Variants in GSKIP observed in about 807,000 individuals in gnomAD.
GSKIP encodes the protein GSK3B-interacting protein.
A neutral mutation model predicts 11.9 loss-of-function variants in GSKIP; 5 were observed. The observed-to-expected ratio is 0.42, with a 90% CI of 0.22 to 0.89. GSKIP has a LOEUF of 0.89. GSKIP is among the 40% of genes least tolerant of loss of function. The pLI is 0.29. For missense variants in GSKIP, 150 were observed against 166.6 expected, an observed-to-expected ratio of 0.90 and a Z score of 0.55; for synonymous variants, 70 against 62.9, an observed-to-expected ratio of 1.11 and a Z score of -0.54.
intron 1 of GSKIP, among the ~76,000 whole-genome samples, chr14:96,374,561 G>T (rs567515121): frequency 6.6e-6 from 1 of 152,076 alleles, no homozygotes; most frequent in African/African-American, 2.4e-5. Flanking sequence ...AGAGACACAG[G>T]CTCTTACTAT....
At chr14:96,384,973 TTAA>T (rs1404411841) in intron 3 of GSKIP, among the ~76,000 whole-genome samples, 7 of 152,024 alleles carry the variant, frequency 4.6e-5, no homozygotes, top group African/African-American at 1.4e-4. Context: ...AAACCAATTA[TTAA>T]TAAACAATTA....
Position 96,385,928 on chromosome 14 carries a change from TATC to T in GSKIP, c.*245_*247del, listed in dbSNP as rs1451316469. 5 of 384,802 alleles carry T rather than the reference TATC, an allele frequency of 1.3e-5. No individual in the cohort carries two copies. Among genetic ancestry groups the T allele is most frequent in the Admixed American group, 1.3e-4 (3 of 23,452 alleles). The allele number at this position is 384,802 out of a possible 1,614,324, so 23.8% of individuals were successfully genotyped here. A position where few individuals can be genotyped will look rare whatever the true frequency, so the allele number is the denominator to read the frequency against. On this transcript the variant is annotated 3_prime_UTR_variant, in exon 4 of 4. Coordinates refer to ENST00000555181, the MANE Select transcript of GSKIP (RefSeq NM_016472.5). ...AAGACATTCACATGTCTTCATATAA[TATC>T]TCTTCATTTCAAATCCTAATCACTA...
intron 3 of GSKIP, among the ~76,000 whole-genome samples, chr14:96,384,100 A>G (rs11845595): frequency 0.32 from 47,981 of 151,998 alleles, 8,076 homozygotes; most frequent in African/African-American, 0.42. Flanking sequence ...TGACTGTATG[A>G]TACAGAAAGA....
At position 96,375,436 on chromosome 14, in the gene GSKIP, C is replaced by CTT. The variant is rs202163260; in HGVS notation, c.-102-4238_-102-4237dup. Among the ~76,000 whole-genome samples, 52 of 114,366 alleles carry CTT rather than the reference C, an allele frequency of 4.5e-4. 1 individual carries two copies. Among genetic ancestry groups the CTT allele is most frequent in the African/African-American group, 1.3e-3 (46 of 36,532 alleles). 75.0% of individuals were successfully genotyped at this position (114,366 alleles called of 152,430 possible). ...AAAAGAAATTTATTTCTTTTTCTCT[C>CTT]TTTTTTTTTTTTTTTGAGACAGCGT... is the stretch of plus-strand genomic sequence containing the variant. On this transcript the variant is annotated intron_variant, in intron 1 of 3. Coordinates refer to ENST00000555181, the MANE Select transcript of GSKIP (RefSeq NM_016472.5).
chr14:96,384,412 G>A (rs1889432931), intron 3 of GSKIP, among the ~76,000 whole-genome samples: 1 of 151,616 alleles, frequency 6.6e-6, no homozygotes, highest in African/African-American at 2.4e-5. Flanking sequence ...AAAAAACTCA[G>A]CTTCTATTTC....
chr14:96,378,894 C>T (rs7149907), intron 1 of GSKIP: 1 of 152,174 alleles, frequency 6.6e-6, no homozygotes, highest in African/African-American at 2.4e-5. Context: ...GCTCTGGCCA[C>T]ATTTCTCTGT....
intron 1 of GSKIP, among the ~76,000 whole-genome samples, chr14:96,371,008 A>G (rs1312142166): frequency 6.6e-6 from 1 of 152,216 alleles, no homozygotes; most frequent in African/African-American, 2.4e-5. Context: ...AATTACAAAT[A>G]CTTTATATTT....
chr14:96,377,269 C>A (rs1245375828), intron 1 of GSKIP, among the ~76,000 whole-genome samples: 1 of 152,190 alleles, frequency 6.6e-6, no homozygotes, highest in Non-Finnish European at 1.5e-5. Context: ...ACAGAAAGTT[C>A]CATTCATTTA....
chr14:96,374,941 T>A (rs1200495766), intron 1 of GSKIP, among the ~76,000 whole-genome samples: 2 of 151,670 alleles, frequency 1.3e-5, no homozygotes, highest in Admixed American at 1.3e-4. Context: ...AAGACTTATC[T>A]AATCTCTCTG....
intron 2 of GSKIP, 28 bp from the exon 3 acceptor site, chr14:96,382,219 T>C: frequency 6.6e-7 from 1 of 1,518,542 alleles, no homozygotes; most frequent in Non-Finnish European, 8.9e-7. Context: ...TAAACAAATT[T>C]TATAACTGCT....
At chr14:96,374,000 A>G (rs996286534) in intron 1 of GSKIP, among the ~76,000 whole-genome samples, 2 of 152,362 alleles carry the variant, frequency 1.3e-5, no homozygotes, top group Non-Finnish European at 2.9e-5. Context: ...AATATAACCT[A>G]CAATTGAGAA....
At chr14:96,379,560 T>C (rs1889291580) in intron 1 of GSKIP, 128 bp from the exon 2 acceptor site, 1 of 152,250 alleles carries the variant, frequency 6.6e-6, no homozygotes, top group Admixed American at 6.5e-5. Context: ...ATGTTATTTA[T>C]GTAATGCTCC....
At chr14:96,366,921 T>C (rs1002599174) in intron 1 of GSKIP, among the ~76,000 whole-genome samples, 2 of 152,140 alleles carry the variant, frequency 1.3e-5, no homozygotes, top group African/African-American at 4.8e-5. Context: ...AGGAGATGTA[T>C]TTGACCTTTT....
At chr14:96,367,502 A>G (rs1888919862) in intron 1 of GSKIP, among the ~76,000 whole-genome samples, 1 of 152,180 alleles carries the variant, frequency 6.6e-6, no homozygotes, top group Admixed American at 6.5e-5. Flanking sequence ...CAGACTTTCA[A>G]AGTGAAAATT....
At chr14:96,382,609 A>G (rs1004837405) in intron 3 of GSKIP, 104 bp downstream of exon 3, 12 of 662,584 alleles carry the variant, frequency 1.8e-5, no homozygotes, top group Non-Finnish European at 2.5e-5. Flanking sequence ...AGAACTGGAT[A>G]TTCAGTAGCT....
intron 1 of GSKIP, among the ~76,000 whole-genome samples, chr14:96,367,278 C>T (rs541634837): frequency 5.9e-5 from 9 of 152,072 alleles, no homozygotes. Flanking sequence ...ATTAAAACAT[C>T]TTTTTCCAAG....
chr14:96,364,213 C>T (rs1027157533), intron 1 of GSKIP: 1 of 152,226 alleles, frequency 6.6e-6, no homozygotes, highest in Admixed American at 6.5e-5. Flanking sequence ...TTAAGTCAAC[C>T]TCGAAAGGCC....
intron 1 of GSKIP, among the ~76,000 whole-genome samples, chr14:96,370,775 G>A (rs1313356510): frequency 1.3e-5 from 2 of 152,182 alleles, no homozygotes. Context: ...TGTGCTTTGT[G>A]TACAGCCTGT....
rs1889498180 is a variant in GSKIP, at chr14:96,386,644, T to C, written c.*960T>C. On this transcript the variant is annotated 3_prime_UTR_variant, in exon 4 of 4. Transcript: ENST00000555181. ...TCCCCAACAGATGTACAGTGTTCTG[T>C]CTCCATTCGAAATCTACAATGTAAT... 1 of 152,624 alleles carries C rather than the reference T, an allele frequency of 6.6e-6. No individual in the cohort carries two copies. Among genetic ancestry groups the C allele is most frequent in the Non-Finnish European group, 1.5e-5 (1 of 68,030 alleles). The allele number at this position is 152,624 out of a possible 1,614,324, so 9.5% of individuals were successfully genotyped here. A position where few individuals can be genotyped will look rare whatever the true frequency, so the allele number is the denominator to read the frequency against.
Sources: allele counts gnomAD v4.1 joint callset (sites outside exome capture counted in the v4.1 genomes callset), GRCh38; gene constraint gnomAD v4.1.1; transcripts MANE v1.5; gene names NCBI Gene and HGNC (gene_info 2026-07-23, HGNC 2026-07-21).